FRMD6: variants seen among roughly 807,000 people sequenced by gnomAD.
FRMD6 encodes the protein FERM domain-containing protein 6.
A neutral mutation model predicts 73.2 loss-of-function variants in FRMD6; 37 were observed. That is an observed-to-expected ratio of 0.51 (90% confidence interval 0.39 to 0.66). The LOEUF (loss-of-function observed/expected upper bound fraction) is 0.66. FRMD6 is among the 30% of genes least tolerant of loss of function. The pLI is 0.00. For synonymous variants in FRMD6, 273 were observed against 282.2 expected, an observed-to-expected ratio of 0.97 and a Z score of 0.33; for missense variants, 714 against 780.5, an observed-to-expected ratio of 0.91 and a Z score of 1.02.
the FRMD6 span, among the ~76,000 whole-genome samples, chr14:51,470,943 C>G: frequency 6.6e-6 from 1 of 152,170 alleles, no homozygotes; most frequent in Admixed American, 6.5e-5. Flanking sequence ...ATTATGTGAA[C>G]TTGAATAGAA....
chr14:51,676,979 C>G (rs971592969), intron 1 of FRMD6, among the ~76,000 whole-genome samples: 1 of 152,078 alleles, frequency 6.6e-6, no homozygotes, highest in Non-Finnish European at 1.5e-5. Context: ...TAAGAACCTT[C>G]TATTTGTAAT....
chr14:51,496,771 T>A (rs906778416), intron 1 of FRMD6, among the ~76,000 whole-genome samples: 2 of 152,236 alleles, frequency 1.3e-5, no homozygotes, highest in African/African-American at 4.8e-5. Context: ...ATTATTTGCA[T>A]TCTTCCCATA....
intron 2 of FRMD6, among the ~76,000 whole-genome samples, chr14:51,611,320 C>G (rs943187922): frequency 6.6e-6 from 1 of 152,162 alleles, no homozygotes; most frequent in Non-Finnish European, 1.5e-5. Flanking sequence ...AGAATTCTGG[C>G]ACTAAGGAGA....
At chr14:51,438,704 A>G in the FRMD6 span, among the ~76,000 whole-genome samples, 3 of 152,226 alleles carry the variant, frequency 2.0e-5, no homozygotes, top group African/African-American at 7.2e-5. Context: ...AGAATGCTCA[A>G]TACTCAGTTC....
intron 1 of FRMD6, among the ~76,000 whole-genome samples, chr14:51,548,227 A>G (rs1002802420): frequency 1.3e-5 from 2 of 152,218 alleles, no homozygotes; most frequent in African/African-American, 4.8e-5. Flanking sequence ...GAAAAATTTA[A>G]AAGAGGCATT....
intron 1 of FRMD6, among the ~76,000 whole-genome samples, chr14:51,508,858 C>T (rs1347882709): frequency 3.9e-5 from 6 of 152,196 alleles, no homozygotes; most frequent in Middle Eastern, 3.2e-3. Context: ...CTTTCACTCT[C>T]TTCCCACCCT....
intron 2 of FRMD6, among the ~76,000 whole-genome samples, chr14:51,613,879 A>G (rs1339497023): frequency 6.6e-6 from 1 of 152,142 alleles, no homozygotes; most frequent in Non-Finnish European, 1.5e-5. Context: ...AATATATTTT[A>G]TTTAGCCCAA....
At chr14:51,436,288 C>A in the FRMD6 span, 1 of 381,370 alleles carries the variant, frequency 2.6e-6, no homozygotes, top group Non-Finnish European at 5.1e-6. Context: ...CAGAAGAGGT[C>A]AGAATTGATT....
the FRMD6 span, among the ~76,000 whole-genome samples, chr14:51,414,539 C>T: frequency 7.9e-5 from 12 of 152,320 alleles, no homozygotes; most frequent in African/African-American, 2.6e-4. Flanking sequence ...CAGTACCACG[C>T]TGTTTTGGTT....
chr14:51,514,189 C>CAGG (rs1362640293), intron 1 of FRMD6, among the ~76,000 whole-genome samples: 1 of 152,190 alleles, frequency 6.6e-6, no homozygotes, highest in Non-Finnish European at 1.5e-5. Context: ...GACTCTCAGG[C>CAGG]AGGAGGTCGC....
the FRMD6 span, among the ~76,000 whole-genome samples, chr14:51,438,251 C>T: frequency 1.3e-5 from 2 of 152,268 alleles, no homozygotes; most frequent in Non-Finnish European, 2.9e-5. Context: ...TGACTTGAGC[C>T]CTGCCACTCA....
At chr14:51,674,617 A>G (rs1202942259) in intron 1 of FRMD6, among the ~76,000 whole-genome samples, 6 of 151,942 alleles carry the variant, frequency 3.9e-5, no homozygotes, top group Admixed American at 3.9e-4. Context: ...TTCTTTTTTA[A>G]CTTCAACCTT....
intron 1 of FRMD6, among the ~76,000 whole-genome samples, chr14:51,669,802 ATTTC>A (rs1275232486): frequency 6.6e-6 from 1 of 151,248 alleles, no homozygotes; most frequent in African/African-American, 2.5e-5. Flanking sequence ...TGTTATGATG[ATTTC>A]TTTGTCATTT....
intron 2 of FRMD6, among the ~76,000 whole-genome samples, chr14:51,634,939 C>T (rs116202878): frequency 2.3e-4 from 35 of 152,220 alleles, no homozygotes; most frequent in African/African-American, 7.2e-4. Context: ...GGCTACTGAC[C>T]GGTGCTTGGT....
chr14:51,602,242 G>A lies in FRMD6; in HGVS notation c.-147+31832G>A, dbSNP rs144806402. On this transcript the variant is annotated intron_variant, in intron 2 of 14. Coordinates refer to the FRMD6 transcript ENST00000356218. ...GAGGGTGGCCAGCTTACTAGGAAAG[G>A]ACTTTGGGGTAATCAGGAGTGTATG... Among the ~76,000 whole-genome samples, 917 of 152,230 alleles carry A rather than the reference G, an allele frequency of 6.0e-3. 12 individuals are homozygous for A. Among genetic ancestry groups the A allele is most frequent in the African/African-American group, 0.021 (856 of 41,532 alleles).
the FRMD6 span, among the ~76,000 whole-genome samples, chr14:51,482,908 C>T: frequency 6.6e-6 from 1 of 151,886 alleles, no homozygotes; most frequent in African/African-American, 2.4e-5. Flanking sequence ...TTCACTATGT[C>T]GGCCAGACTG....
chr14:51,671,675 A>G (rs1295044735), intron 1 of FRMD6, among the ~76,000 whole-genome samples: 1 of 152,182 alleles, frequency 6.6e-6, no homozygotes, highest in Non-Finnish European at 1.5e-5. Flanking sequence ...TGGTGAAATC[A>G]CTGGTGCTTT....
At chr14:51,563,317 T>C (rs1300767548) in intron 1 of FRMD6, among the ~76,000 whole-genome samples, 1 of 152,200 alleles carries the variant, frequency 6.6e-6, no homozygotes, top group Non-Finnish European at 1.5e-5. Flanking sequence ...GATTTAAATG[T>C]TTTCAAATTG....
the FRMD6 span, among the ~76,000 whole-genome samples, chr14:51,408,373 C>T: frequency 4.6e-5 from 7 of 152,058 alleles, no homozygotes; most frequent in Non-Finnish European, 8.8e-5. Context: ...TCTCTCAACT[C>T]CTTACTGTCC....
Sources: allele counts gnomAD v4.1 joint callset (sites outside exome capture counted in the v4.1 genomes callset), GRCh38; gene constraint gnomAD v4.1.1; transcripts MANE v1.5; gene names NCBI Gene and HGNC (gene_info 2026-07-23, HGNC 2026-07-21).